Variants in PLOD2 observed in about 807,000 individuals in gnomAD.
PLOD2 encodes the protein lysine hydroxylase 2.
A neutral mutation model predicts 101.0 loss-of-function variants in PLOD2; 65 were observed. The ratio of observed to expected loss-of-function variants is 0.64; its 90% CI spans 0.53 to 0.79. The LOEUF (loss-of-function observed/expected upper bound fraction) is 0.79. PLOD2 is among the 30% of genes least tolerant of loss of function. The pLI is 0.00. For synonymous variants in PLOD2, 314 were observed against 302.9 expected (o/e 1.04, Z -0.38); for missense variants, 909 against 914.6 (o/e 0.99, Z 0.08).
Position 146,071,125 on chromosome 3 carries a change from G to C in PLOD2, c.2038C>G (p.Arg680Gly), listed in dbSNP as rs780770356. Reference sequence around the variant, plus strand: ...TGATGAGGACGAAGAGAACGCTGTCGTTCAGGGGAGTATTTTACTACAAAA... The same window carrying C: ...TGATGAGGACGAAGAGAACGCTGTCCTTCAGGGGAGTATTTTACTACAAAA... ...LNFVVKYSPE[R>G]QRSLRPHHDA... The change falls in exon 19 of 20, where the codon CGA becomes GGA. Residue 680 changes from arginine (R) to glycine (G), a missense_variant. Coordinates refer to ENST00000282903, the MANE Select transcript of PLOD2 (RefSeq NM_182943.3). 1 of 1,610,680 alleles carries C rather than the reference G, an allele frequency of 6.2e-7. No homozygotes were observed.
intron 4 of PLOD2, among the ~76,000 whole-genome samples, chr3:146,108,807 T>C (rs1937578992): frequency 6.6e-6 from 1 of 152,146 alleles, no homozygotes. Flanking sequence ...TTGAAATAAA[T>C]TTACGAGATT....
chr3:146,093,482 T>C (rs1286875503), intron 7 of PLOD2, among the ~76,000 whole-genome samples: 2 of 152,254 alleles, frequency 1.3e-5, no homozygotes, highest in Admixed American at 6.5e-5. Context: ...TGTTGTCAAA[T>C]GACAAAGGCA....
chr3:146,077,585 G>T (rs1559834525), intron 14 of PLOD2: 3 of 319,320 alleles, frequency 9.4e-6, no homozygotes, highest in South Asian at 1.3e-4. Context: ...CCTTTAAAAA[G>T]AAATAAAAAC....
rs1937611353 is a variant in PLOD2 at position 146,110,516 on chromosome 3, A to C, written c.339-68T>G. ...GAATCTAGGCACATAAACCATGAAA[A>C]GTTCTCTAACAAAAGTCAGAATCAA... is the stretch of plus-strand genomic sequence containing the variant. On this transcript the variant is annotated intron_variant, in intron 3 of 19. Transcript: ENST00000282903. 3.1e-6 allele frequency: 4 copies of C among 1,302,610 alleles called. No homozygotes were observed. The Admixed American group carries it at 7.6e-5, about 25-fold the overall frequency. The allele number at this position is 1,302,610 out of a possible 1,614,324, so 80.7% of individuals were successfully genotyped here. A position where few individuals can be genotyped will look rare whatever the true frequency, so the allele number is the denominator to read the frequency against.
chr3:146,130,977 T>A (rs1559864848), intron 1 of PLOD2, among the ~76,000 whole-genome samples: 1 of 152,196 alleles, frequency 6.6e-6, no homozygotes, highest in South Asian at 2.1e-4. Context: ...TGGCTCACTG[T>A]GGCTAAATTA....
At chr3:146,157,931 A>AT (rs2032379491) in intron 1 of PLOD2, among the ~76,000 whole-genome samples, 2 of 152,182 alleles carry the variant, frequency 1.3e-5, no homozygotes, top group South Asian at 4.1e-4. Context: ...TTTTTCCTTG[A>AT]ATGTACCACA....
At chr3:146,151,470 C>CTGGACAAGAAGAACG (rs1168410083) in intron 1 of PLOD2, among the ~76,000 whole-genome samples, 2 of 151,860 alleles carry the variant, frequency 1.3e-5, no homozygotes, top group African/African-American at 4.8e-5. Context: ...GCACTCCAGC[C>CTGGACAAGAAGAACG]TGGACAAGAA....
intron 3 of PLOD2, among the ~76,000 whole-genome samples, chr3:146,119,703 T>C (rs2029921151): frequency 6.6e-6 from 1 of 152,112 alleles, no homozygotes; most frequent in South Asian, 2.1e-4. Context: ...TTTGGTTTTT[T>C]GTCCTTGCGA....
At chr3:146,150,440 C>A (rs1246540665) in intron 1 of PLOD2, among the ~76,000 whole-genome samples, 1 of 151,834 alleles carries the variant, frequency 6.6e-6, no homozygotes, top group Non-Finnish European at 1.5e-5. Context: ...ATGGATGGAG[C>A]TGGAGGCTAT....
At chr3:146,109,223 C>T (rs1937585035) in intron 4 of PLOD2, among the ~76,000 whole-genome samples, 1 of 152,142 alleles carries the variant, frequency 6.6e-6, no homozygotes, top group Admixed American at 6.5e-5. Context: ...GTCAAGAGAT[C>T]CCAGAAAGCA....
intron 5 of PLOD2, among the ~76,000 whole-genome samples, chr3:146,104,632 TAA>T (rs537804150): frequency 1.8e-4 from 28 of 152,270 alleles, no homozygotes; most frequent in African/African-American, 5.8e-4. Context: ...GTAAATTTAT[TAA>T]ATATCAACTT....
chr3:146,072,433 GCTAGCCAATTTA>G, intron 17 of PLOD2, 116 bp downstream of exon 17: 1 of 711,594 alleles, frequency 1.4e-6, no homozygotes, highest in Non-Finnish European at 2.5e-6. Flanking sequence ...CAGAGCCTTG[GCTAGCCAATTTA>G]TCTAAGTCTA....
chr3:146,148,612 A>G (rs2108136973), intron 1 of PLOD2, among the ~76,000 whole-genome samples: 1 of 152,294 alleles, frequency 6.6e-6, no homozygotes, highest in South Asian at 2.1e-4. Flanking sequence ...TCATCCTCAA[A>G]TTCTTTGTAA....
intron 11 of PLOD2, 89 bp from the exon 12 acceptor site, chr3:146,081,952 G>C (rs1298756220): frequency 8.5e-7 from 1 of 1,182,262 alleles, no homozygotes; most frequent in Non-Finnish European, 1.2e-6. Context: ...TTTGGGCTTA[G>C]TATGACATAT....
chr3:146,123,266 T>C (rs1360619889), intron 2 of PLOD2: 1 of 1,131,554 alleles, frequency 8.8e-7, no homozygotes, highest in Admixed American at 4.3e-5. Context: ...TGTTCCTACC[T>C]AGGTATCTCC....
intron 1 of PLOD2, among the ~76,000 whole-genome samples, chr3:146,148,334 G>GCAGGCACA (rs111340998): frequency 7.4e-4 from 19 of 25,538 alleles, no homozygotes; most frequent in African/African-American, 1.9e-3. Context: ...AGGCAGGCAG[G>GCAGGCACA]CACGCACACA....
At chr3:146,082,878 G>C (rs1452791664) in intron 11 of PLOD2, among the ~76,000 whole-genome samples, 1 of 152,096 alleles carries the variant, frequency 6.6e-6, no homozygotes, top group Non-Finnish European at 1.5e-5. Flanking sequence ...CTGGGCGACA[G>C]AGCAAGACTC....
At chr3:146,077,477 T>G (rs1447476712) in intron 14 of PLOD2, 1 of 173,478 alleles carries the variant, frequency 5.8e-6, no homozygotes, top group East Asian at 1.6e-4. Flanking sequence ...GGACCTGTTT[T>G]AATAGTAAAA....
At chr3:146,135,604 G>T (rs1054551971) in intron 1 of PLOD2, among the ~76,000 whole-genome samples, 2 of 152,054 alleles carry the variant, frequency 1.3e-5, no homozygotes, top group African/African-American at 4.8e-5. Context: ...ACTAGGTGAC[G>T]TAGAAAGTGA....
Sources: allele counts gnomAD v4.1 joint callset (sites outside exome capture counted in the v4.1 genomes callset), GRCh38; gene constraint gnomAD v4.1.1; transcripts MANE v1.5; gene names NCBI Gene and HGNC (gene_info 2026-07-23, HGNC 2026-07-21).